Variants in PCDH15 observed in about 807,000 individuals in gnomAD.
PCDH15 encodes protocadherin related 15.
In PCDH15, 129 loss-of-function variants were observed where a neutral mutation model predicts 178.5. That is an observed-to-expected ratio of 0.72 (90% CI 0.63 to 0.84). PCDH15 has a LOEUF of 0.84. PCDH15 is among the 40% of genes least tolerant of loss of function. PCDH15 has a pLI of 0.00. For missense variants in PCDH15, 2,230 were observed against 2,099.9 expected, an observed-to-expected ratio of 1.06 and a Z score of -1.21; for synonymous variants, 800 against 732.0, an observed-to-expected ratio of 1.09 and a Z score of -1.50.
intron 3 of PCDH15, among the ~76,000 whole-genome samples, chr10:54,895,145 T>C (rs1954524839): frequency 6.6e-6 from 1 of 152,202 alleles, no homozygotes; most frequent in South Asian, 2.1e-4. Context: ...AACTACAGTG[T>C]ATCCTCATTT....
At chr10:53,809,733 ATTATT>A (rs1395832903) in intron 37 of PCDH15, among the ~76,000 whole-genome samples, 1 of 152,202 alleles carries the variant, frequency 6.6e-6, no homozygotes, top group African/African-American at 2.4e-5. Context: ...GAGAAAGTAA[ATTATT>A]TTATTTTAGC....
chr10:54,336,442 C>A (rs1377867551), intron 6 of PCDH15, among the ~76,000 whole-genome samples: 3 of 152,082 alleles, frequency 2.0e-5, no homozygotes, highest in Non-Finnish European at 4.4e-5. Flanking sequence ...AGGTCCTGGA[C>A]CCCCCTTTCC....
intron 23 of PCDH15, among the ~76,000 whole-genome samples, chr10:53,951,744 C>G (rs77584339): frequency 0.015 from 2,270 of 152,264 alleles, 60 homozygotes; most frequent in African/African-American, 0.052. Flanking sequence ...TTCAGGCCTA[C>G]TGGGCTTGTT....
At chr10:54,109,806 A>T (rs1398358386) in intron 15 of PCDH15, among the ~76,000 whole-genome samples, 1 of 152,204 alleles carries the variant, frequency 6.6e-6, no homozygotes, top group East Asian at 1.9e-4. Context: ...TACAGTAAAA[A>T]GCAATTTAAT....
At chr10:54,990,686 G>A (rs1379973602) in intron 2 of PCDH15, among the ~76,000 whole-genome samples, 1 of 152,090 alleles carries the variant, frequency 6.6e-6, no homozygotes, top group Non-Finnish European at 1.5e-5. Flanking sequence ...CCAACAAGAT[G>A]TTTATGTTCA....
intron 2 of PCDH15, among the ~76,000 whole-genome samples, chr10:55,601,442 G>C (rs1843073980): frequency 6.6e-6 from 1 of 152,008 alleles, no homozygotes; most frequent in African/African-American, 2.4e-5. Context: ...AGGTAGACAG[G>C]AATAACGTAA....
intron 3 of PCDH15, among the ~76,000 whole-genome samples, chr10:54,819,640 T>G (rs954627678): frequency 9.9e-5 from 15 of 152,188 alleles, no homozygotes; most frequent in African/African-American, 3.6e-4. Flanking sequence ...TAATTTTTAC[T>G]GTTAGTGTGG....
chr10:54,116,702 G>A (rs2095119321), intron 15 of PCDH15, among the ~76,000 whole-genome samples: 1 of 152,178 alleles, frequency 6.6e-6, no homozygotes, highest in South Asian at 2.1e-4. Context: ...AAGTGCTAGT[G>A]AGGTCCAATA....
At chr10:55,417,345 A>AT (rs1838507994) in intron 2 of PCDH15, among the ~76,000 whole-genome samples, 1 of 151,796 alleles carries the variant, frequency 6.6e-6, no homozygotes, top group Non-Finnish European at 1.5e-5. Context: ...GGAAGAAAGA[A>AT]TTCTTTGGGA....
At chr10:54,050,553 A>G (rs1219176220) in intron 18 of PCDH15, among the ~76,000 whole-genome samples, 1 of 151,922 alleles carries the variant, frequency 6.6e-6, no homozygotes, top group African/African-American at 2.4e-5. Flanking sequence ...TGGGGCCTCA[A>G]TTTAATTCAG....
chr10:54,137,169 G>C (rs1234590054), intron 14 of PCDH15, among the ~76,000 whole-genome samples: 1 of 152,134 alleles, frequency 6.6e-6, no homozygotes, highest in East Asian at 1.9e-4. Context: ...AAATAGGGCA[G>C]TCACTATATA....
chr10:54,242,142 A>C (rs1267064418), intron 8 of PCDH15, among the ~76,000 whole-genome samples: 1 of 36,640 alleles, frequency 2.7e-5, no homozygotes, highest in Non-Finnish European at 4.7e-5. Flanking sequence ...ATATATATAT[A>C]TATATATATA....
intron 9 of PCDH15, among the ~76,000 whole-genome samples, chr10:54,218,243 A>G (rs1431706016): frequency 6.6e-6 from 1 of 152,178 alleles, no homozygotes; most frequent in East Asian, 1.9e-4. Flanking sequence ...CCCCTCATAA[A>G]TGAATGGATC....
chr10:54,976,800 C>T (rs1839083489), intron 2 of PCDH15, among the ~76,000 whole-genome samples: 1 of 152,098 alleles, frequency 6.6e-6, no homozygotes, highest in African/African-American at 2.4e-5. Context: ...ATTAATCTTA[C>T]AGAGGTGGTT....
chr10:54,594,958 G>A (rs2092130245), intron 2 of PCDH15, among the ~76,000 whole-genome samples: 2 of 152,128 alleles, frequency 1.3e-5, no homozygotes, highest in Admixed American at 1.3e-4. Flanking sequence ...CTCACAGAGG[G>A]TGCACACAGT....
chr10:55,597,235 C>CACGTTCACGCACACAAGT (rs1185145607), intron 2 of PCDH15: 58 of 152,272 alleles, frequency 3.8e-4, no homozygotes, highest in African/African-American at 1.3e-3. Context: ...ACAATCAATA[C>CACGTTCACGCACACAAGT]ACGTTCACGC....
At chr10:53,851,613 T>A (rs1268252430) in intron 28 of PCDH15, among the ~76,000 whole-genome samples, 2 of 146,056 alleles carry the variant, frequency 1.4e-5, no homozygotes, top group Non-Finnish European at 3.0e-5. Context: ...GAAAATGTGC[T>A]AGCAGTTAGC....
At chr10:55,573,725 G>C (rs1337419934) in intron 2 of PCDH15, among the ~76,000 whole-genome samples, 1 of 151,816 alleles carries the variant, frequency 6.6e-6, no homozygotes, top group African/African-American at 2.4e-5. Flanking sequence ...AAGCCAATAA[G>C]GTATGCTTAC....
intron 15 of PCDH15, among the ~76,000 whole-genome samples, chr10:54,121,386 G>A (rs2095217227): frequency 6.6e-6 from 1 of 152,044 alleles, no homozygotes; most frequent in Non-Finnish European, 1.5e-5. Context: ...AGAGGAAGTA[G>A]ATAAACAAGA....
Sources: allele counts gnomAD v4.1 joint callset (sites outside exome capture counted in the v4.1 genomes callset), GRCh38; gene constraint gnomAD v4.1.1; transcripts MANE v1.5; gene names NCBI Gene and HGNC (gene_info 2026-07-23, HGNC 2026-07-21).